The following PEX11G variants were observed in gnomAD, a reference collection of about 807,000 sequenced individuals.
PEX11G encodes the protein peroxisomal biogenesis factor 11 gamma.
Under a neutral mutation model 22.5 loss-of-function variants are expected in PEX11G, and 20 were observed. The observed-to-expected ratio is 0.89, with a 90% CI of 0.62 to 1.29. PEX11G has a LOEUF of 1.29. PEX11G is among the 50% of genes most tolerant of loss of function. PEX11G has a pLI of 0.00. For missense variants in PEX11G, 347 were observed against 331.3 expected, an observed-to-expected ratio of 1.05 and a Z score of -0.37; for synonymous variants, 141 against 154.5, an observed-to-expected ratio of 0.91 and a Z score of 0.65.
intron 1 of PEX11G, among the ~76,000 whole-genome samples, chr19:7,488,062 G>A (rs2021743002): frequency 6.6e-6 from 1 of 152,248 alleles, no homozygotes; most frequent in African/African-American, 2.4e-5. Flanking sequence ...TCCAGCCATA[G>A]GGAGAGTCTT....
intron 2 of PEX11G, among the ~76,000 whole-genome samples, chr19:7,483,073 G>A (rs1252926607): frequency 2.7e-5 from 4 of 150,908 alleles, no homozygotes; most frequent in South Asian, 2.1e-4. Flanking sequence ...GCCCCCTTGG[G>A]ACCCCACCCC....
At position 7,486,846 on chromosome 19, in the gene PEX11G, G is replaced by A. The variant is rs546747178; in HGVS notation, c.61-820C>T. ...GATCTCCTGACCTCATGATCCACCC[G>A]CCTCGGCCTCCCAAAGTGCTGGGAT... is the stretch of plus-strand genomic sequence containing the variant. On this transcript the variant is annotated intron_variant, in intron 1 of 4. Coordinates refer to ENST00000221480, the MANE Select transcript of PEX11G (RefSeq NM_080662.4). 6.6e-5 allele frequency among the ~76,000 whole-genome samples: 10 copies of A among 152,062 alleles called. No individual in the cohort carries two copies. The South Asian group carries it at 1.0e-3, about 16-fold the overall frequency.
chr19:7,489,123 G>T, upstream of PEX11G: 1 of 1,294,044 alleles, frequency 7.7e-7, no homozygotes, highest in Non-Finnish European at 1.0e-6. Flanking sequence ...GCAGGCCTTT[G>T]TCCCCCTGAC....
At chr19:7,478,456 A>G in intron 3 of PEX11G, 80 bp from the exon 4 acceptor site, 1 of 1,405,938 alleles carries the variant, frequency 7.1e-7, no homozygotes, top group South Asian at 1.2e-5. Flanking sequence ...CCGGACATAC[A>G]GTCTGGGACA....
At chr19:7,494,363 G>T (rs2021940793) in intron 1 of PEX11G, among the ~76,000 whole-genome samples, 1 of 152,132 alleles carries the variant, frequency 6.6e-6, no homozygotes, top group Non-Finnish European at 1.5e-5. Flanking sequence ...CTGCACTCCA[G>T]CCTGGGCGTC....
upstream of PEX11G, among the ~76,000 whole-genome samples, chr19:7,492,429 T>C (rs1568385930): frequency 6.6e-6 from 1 of 151,884 alleles, no homozygotes; most frequent in Non-Finnish European, 1.5e-5. Context: ...TGTCAACGAG[T>C]CTGTTTGTTG....
At position 7,477,317 on chromosome 19, in the gene PEX11G, A is replaced by T. The variant is rs775834531; in HGVS notation, c.611T>A (p.Leu204Gln). Residue 204 changes from leucine to glutamine, a missense_variant, in exon 5 of 5, where the codon CTG becomes CAG. Physicochemically the swap from Leu to Gln is moderately radical, Grantham distance 113 (BLOSUM62 -2). Coordinates refer to ENST00000221480, the MANE Select transcript of PEX11G (RefSeq NM_080662.4). ...NAVHWLPRGV[L>Q]WAGRFPPWLV... The stretch of plus-strand genomic sequence containing the variant: ...CCACGGCGGGAAGCGGCCGGCCCAC[A>T]GCACGCCCCGGGGCAGCCAGTGCAC... The T allele has an allele frequency of 1.9e-6, 3 of 1,561,316 alleles. No homozygotes were observed. Among genetic ancestry groups the T allele is most frequent in the East Asian group, 4.8e-5 (2 of 41,918 alleles).
intron 2 of PEX11G, among the ~76,000 whole-genome samples, chr19:7,483,618 G>A (rs11880675): frequency 0.012 from 1,845 of 152,302 alleles, 34 homozygotes; most frequent in African/African-American, 0.042. Context: ...ACACGGAGGA[G>A]GAGGATGCTA....
chr19:7,476,976 G>C lies in PEX11G; in HGVS notation c.*226C>G, dbSNP rs1977244674. The C allele has an allele frequency of 2.4e-6, 1 of 414,034 alleles. No homozygotes were observed. Among genetic ancestry groups the C allele is most frequent in the Non-Finnish European group, 4.2e-6 (1 of 235,674 alleles). The allele number at this position is 414,034 out of a possible 1,614,324, so 25.6% of individuals were successfully genotyped here. Reference sequence around the variant, plus strand: ...TTTGGATACAAGACGCCAGCTGGCAGGCAGGAGGTGCTGCTGAAGCCCTGC... The same window carrying C: ...TTTGGATACAAGACGCCAGCTGGCACGCAGGAGGTGCTGCTGAAGCCCTGC... On this transcript the variant is annotated 3_prime_UTR_variant, in exon 5 of 5. Transcript: ENST00000221480.
intron 3 of PEX11G, among the ~76,000 whole-genome samples, chr19:7,481,256 G>GCCC (rs1361163989): frequency 1.3e-5 from 2 of 152,134 alleles, no homozygotes; most frequent in African/African-American, 4.8e-5. Context: ...CTGGAGTGCA[G>GCCC]GGGTGTGATC....
At position 7,480,091 on chromosome 19, in the gene PEX11G, G is replaced by A. The variant is rs552414626; in HGVS notation, c.429-1715C>T. Among the ~76,000 whole-genome samples, 49 of 152,140 alleles carry A rather than the reference G, an allele frequency of 3.2e-4. 1 individual carries two copies. The South Asian group carries it at 9.3e-3, about 29-fold the overall frequency. On this transcript the variant is annotated intron_variant, in intron 3 of 4. Transcript: ENST00000221480. ...CCAGTCTGGGCAACATGGCAAAACCGTGTCTCTACAGAAAAAAAATTACAA... is the reference window on the plus strand; with the variant it reads ...CCAGTCTGGGCAACATGGCAAAACCATGTCTCTACAGAAAAAAAATTACAA...
upstream of PEX11G, among the ~76,000 whole-genome samples, chr19:7,493,344 T>G (rs1170681386): frequency 6.6e-6 from 1 of 151,520 alleles, no homozygotes; most frequent in African/African-American, 2.4e-5. Flanking sequence ...AGGCACCTGC[T>G]ACCACGCCCC....
intron 1 of PEX11G, among the ~76,000 whole-genome samples, chr19:7,488,654 A>T (rs1406340310): frequency 6.6e-6 from 1 of 152,182 alleles, no homozygotes; most frequent in Non-Finnish European, 1.5e-5. Flanking sequence ...ACAAAAAAAT[A>T]GCAGGGAGTG....
rs763265358 is a variant in PEX11G, at chr19:7,477,749, G to A, written c.492-313C>T. ...AAATGCACTTTGGGAGGTGTGGAGG[G>A]AAGGGGGAACCCCCAGGAGCGTGGC... On this transcript the variant is annotated intron_variant, in intron 4 of 4. Coordinates refer to ENST00000221480, the MANE Select transcript of PEX11G (RefSeq NM_080662.4). Among the ~76,000 whole-genome samples, 54 of 152,252 alleles carry A rather than the reference G, an allele frequency of 3.5e-4. 1 individual carries two copies. Among genetic ancestry groups the A allele is most frequent in the Non-Finnish European group, 6.9e-4 (47 of 68,044 alleles).
chr19:7,488,342 G>A (rs1211017524), intron 1 of PEX11G, among the ~76,000 whole-genome samples: 1 of 152,182 alleles, frequency 6.6e-6, no homozygotes, highest in Non-Finnish European at 1.5e-5. Context: ...GAATCTGGTT[G>A]GAAGTGAATG....
intron 1 of PEX11G, among the ~76,000 whole-genome samples, chr19:7,486,527 C>T (rs1171041234): frequency 6.6e-6 from 1 of 152,118 alleles, no homozygotes. Context: ...TTTGAGAAAC[C>T]GAGGTGAGAG....
chr19:7,488,917 T>G (rs1876027484), intron 1 of PEX11G, 34 bp downstream of exon 1: 2 of 1,546,000 alleles, frequency 1.3e-6, no homozygotes, highest in Non-Finnish European at 8.7e-7. Context: ...GGCCAAACTC[T>G]AGGACCTCCG....
chr19:7,482,373 C>A (rs1352435297), intron 2 of PEX11G, among the ~76,000 whole-genome samples, 162 bp from the exon 3 acceptor site: 2 of 152,164 alleles, frequency 1.3e-5, no homozygotes, highest in Non-Finnish European at 2.9e-5. Context: ...GGGCTGGGGT[C>A]CCCGCACAGG....
chr19:7,485,252 C>T (rs1370208316), intron 2 of PEX11G, among the ~76,000 whole-genome samples: 1 of 152,194 alleles, frequency 6.6e-6, no homozygotes, highest in Non-Finnish European at 1.5e-5. Flanking sequence ...CTCATGGCAA[C>T]CTCCACCTCC....
Sources: gnomAD v4.1 joint callset for allele counts (sites outside exome capture counted in the v4.1 genomes callset) on GRCh38, gnomAD v4.1.1 for gene constraint, MANE v1.5 for transcripts, NCBI Gene and HGNC (gene_info 2026-07-23, HGNC 2026-07-21) for gene names.